Variants in PLD5 observed in about 807,000 individuals in gnomAD.
PLD5 encodes the protein inactive phospholipase D5.
In PLD5, 36 loss-of-function variants were observed where a neutral mutation model predicts 61.1. The ratio of observed to expected loss-of-function variants is 0.59; its 90% confidence interval spans 0.45 to 0.78. PLD5 has a LOEUF of 0.78. Ranked by LOEUF, PLD5 falls within the 30% of genes least tolerant of loss-of-function variation. The pLI is 0.00. For missense variants in PLD5, 515 were observed against 644.4 expected (o/e 0.80, Z 2.17); for synonymous variants, 243 against 242.8 (o/e 1.00, Z -0.01).
At chr1:242,190,138 CTTTTTTTTTT>C (rs902616187) in intron 5 of PLD5, among the ~76,000 whole-genome samples, 1 of 74,382 alleles carries the variant, frequency 1.3e-5, no homozygotes, top group Non-Finnish European at 2.3e-5. Context: ...GACAGGACTC[CTTTTTTTTTT>C]TTTTTTTTTT....
intron 1 of PLD5, among the ~76,000 whole-genome samples, chr1:242,453,666 C>G (rs771067159): frequency 3.2e-4 from 48 of 152,106 alleles, no homozygotes; most frequent in Non-Finnish European, 5.0e-4. Flanking sequence ...ACTGCGACAC[C>G]CACTCCCTAC....
At chr1:242,107,895 A>G (rs1014018289) in intron 7 of PLD5, 56 bp from the exon 8 acceptor site, 73 of 1,463,604 alleles carry the variant, frequency 5.0e-5, no homozygotes, top group Non-Finnish European at 5.8e-5. Context: ...GGGAAAAGAA[A>G]TTTACTAGAC....
chr1:242,404,329 C>T (rs1664106915), intron 1 of PLD5, among the ~76,000 whole-genome samples: 1 of 152,132 alleles, frequency 6.6e-6, no homozygotes, highest in African/African-American at 2.4e-5. Context: ...ATGGGAAGCA[C>T]TTACCAGGTG....
intron 1 of PLD5, among the ~76,000 whole-genome samples, chr1:242,460,338 C>T (rs1667079528): frequency 6.6e-6 from 1 of 152,132 alleles, no homozygotes; most frequent in Non-Finnish European, 1.5e-5. Context: ...CTGGACCCAG[C>T]TCTCACTATC....
At chr1:242,135,529 A>G (rs1663647423) in intron 5 of PLD5, among the ~76,000 whole-genome samples, 1 of 152,204 alleles carries the variant, frequency 6.6e-6, no homozygotes, top group African/African-American at 2.4e-5. Flanking sequence ...AAACTTGCCC[A>G]TCTACCTGTT....
At chr1:242,315,739 C>T (rs1424555547) in intron 2 of PLD5, among the ~76,000 whole-genome samples, 4 of 152,154 alleles carry the variant, frequency 2.6e-5, no homozygotes, top group Admixed American at 2.6e-4. Flanking sequence ...GCTGGGACTA[C>T]AGGCATATGC....
At chr1:242,126,807 G>C (rs1662820002) in intron 5 of PLD5, among the ~76,000 whole-genome samples, 1 of 152,070 alleles carries the variant, frequency 6.6e-6, no homozygotes, top group Admixed American at 6.6e-5. Context: ...AAAATAAATA[G>C]CCGGGACTTA....
At chr1:242,093,289 G>C (rs1296438033) in intron 9 of PLD5, among the ~76,000 whole-genome samples, 1 of 152,142 alleles carries the variant, frequency 6.6e-6, no homozygotes, top group Non-Finnish European at 1.5e-5. Flanking sequence ...CGTGGGTTGA[G>C]TGTTGCTCAG....
chr1:242,289,068 A>G (rs1011580794), intron 2 of PLD5, among the ~76,000 whole-genome samples: 2 of 152,230 alleles, frequency 1.3e-5, no homozygotes, highest in Non-Finnish European at 2.9e-5. Flanking sequence ...GAAGAAAATT[A>G]TAAAACCTGC....
chr1:242,510,224 C>T (rs1336891216), intron 1 of PLD5, among the ~76,000 whole-genome samples: 1 of 151,862 alleles, frequency 6.6e-6, no homozygotes, highest in African/African-American at 2.4e-5. Context: ...CATACACACA[C>T]ACACACAAAA....
chr1:242,436,018 A>G (rs1572147845), intron 1 of PLD5, among the ~76,000 whole-genome samples: 2 of 152,080 alleles, frequency 1.3e-5, no homozygotes, highest in Non-Finnish European at 2.9e-5. Context: ...AACTTTCAAA[A>G]CCCATTAGAG....
At chr1:242,164,167 GA>G (rs34329270) in intron 5 of PLD5, among the ~76,000 whole-genome samples, 1,968 of 145,862 alleles carry the variant, frequency 0.013, 22 homozygotes, top group Non-Finnish European at 0.016. Context: ...TCTGAATGCA[GA>G]AAAAAAAAAA....
intron 5 of PLD5, chr1:242,210,348 C>G (rs577339028): frequency 6.6e-6 from 1 of 152,504 alleles, no homozygotes; most frequent in African/African-American, 2.4e-5. Context: ...GCCAAGCCAT[C>G]GCATCCCCTG....
intron 1 of PLD5, among the ~76,000 whole-genome samples, chr1:242,415,238 C>T (rs988401966): frequency 2.6e-5 from 4 of 152,124 alleles, no homozygotes; most frequent in African/African-American, 7.2e-5. Flanking sequence ...CACTCAGTAA[C>T]CCCTCTTCTA....
chr1:242,153,673 T>C lies in PLD5; in HGVS notation c.736-29008A>G, dbSNP rs539396902. 2.6e-5 allele frequency among the ~76,000 whole-genome samples: 4 copies of C among 152,196 alleles called. 1 individual carries two copies. In the South Asian group the frequency reaches 8.3e-4, roughly 32 times the overall value. On this transcript the variant is annotated intron_variant, in intron 5 of 9. Transcript: ENST00000536534. ...AGATCAGAGGGTTGTAGATGTGTGG[T>C]ATTATTTCTGAGGCCTCTGTTCTGT...
At chr1:242,318,241 C>G (rs1658145545) in intron 2 of PLD5, among the ~76,000 whole-genome samples, 1 of 152,058 alleles carries the variant, frequency 6.6e-6, no homozygotes, top group Non-Finnish European at 1.5e-5. Context: ...CTTCTTTGCC[C>G]AGGATAAAAA....
At chr1:242,458,103 G>A (rs890798746) in intron 1 of PLD5, among the ~76,000 whole-genome samples, 1 of 152,088 alleles carries the variant, frequency 6.6e-6, no homozygotes, top group African/African-American at 2.4e-5. Flanking sequence ...CCTCCTTTAG[G>A]ACACATGGTA....
At chr1:242,231,694 T>A (rs1189717487) in intron 4 of PLD5, among the ~76,000 whole-genome samples, 2 of 152,146 alleles carry the variant, frequency 1.3e-5, no homozygotes, top group Admixed American at 6.5e-5. Flanking sequence ...GATAAGGCAA[T>A]GAGCTTAGAA....
chr1:242,330,665 G>T (rs28436882), intron 2 of PLD5, among the ~76,000 whole-genome samples: 1 of 151,938 alleles, frequency 6.6e-6, no homozygotes, highest in Non-Finnish European at 1.5e-5. Context: ...TTGACAGATT[G>T]AAAAAATAGA....
Sources: allele counts gnomAD v4.1 joint callset (sites outside exome capture counted in the v4.1 genomes callset), GRCh38; gene constraint gnomAD v4.1.1; transcripts MANE v1.5; gene names NCBI Gene and HGNC (gene_info 2026-07-23, HGNC 2026-07-21).